The following CDH22 variants were observed in gnomAD, a reference collection of about 807,000 sequenced individuals.
CDH22 encodes the protein cadherin 22, also known as cadherin-22.
Under a neutral mutation model 58.4 loss-of-function variants are expected in CDH22, and 30 were observed. The observed-to-expected ratio is 0.51, with a 90% CI of 0.38 to 0.70. The LOEUF (loss-of-function observed/expected upper bound fraction) is 0.70, where lower values mean the gene tolerates loss of function less well. CDH22 is among the 30% of genes least tolerant of loss of function. The pLI is 0.00. For synonymous variants in CDH22, 513 were observed against 558.2 expected, an observed-to-expected ratio of 0.92 and a Z score of 1.14; for missense variants, 1,014 against 1,233.9, an observed-to-expected ratio of 0.82 and a Z score of 2.67.
intron 1 of CDH22, among the ~76,000 whole-genome samples, chr20:46,293,584 A>G (rs2086615062): frequency 6.6e-6 from 1 of 152,140 alleles, no homozygotes; most frequent in Non-Finnish European, 1.5e-5. Context: ...CATGTCCCCA[A>G]ATTGTCCACA....
intron 1 of CDH22, among the ~76,000 whole-genome samples, chr20:46,255,941 G>A (rs1478890148): frequency 6.6e-6 from 1 of 152,030 alleles, no homozygotes; most frequent in African/African-American, 2.4e-5. Context: ...ATCCCAAATG[G>A]GATTAAAAAC....
At chr20:46,191,147 G>A (rs1007606141) in intron 8 of CDH22, among the ~76,000 whole-genome samples, 2 of 152,146 alleles carry the variant, frequency 1.3e-5, no homozygotes, top group Non-Finnish European at 2.9e-5. Flanking sequence ...AGCTGTGAGA[G>A]CTTGGAGCAG....
chr20:46,253,659 A>G (rs946033560), intron 1 of CDH22, among the ~76,000 whole-genome samples: 2 of 152,106 alleles, frequency 1.3e-5, no homozygotes, highest in African/African-American at 4.8e-5. Flanking sequence ...TCGTAATGAG[A>G]CTGGAGTTAT....
intron 1 of CDH22, among the ~76,000 whole-genome samples, chr20:46,274,124 G>C (rs555471714): frequency 2.6e-5 from 4 of 152,166 alleles, no homozygotes; most frequent in East Asian, 1.9e-4. Flanking sequence ...ATCTCCCTTG[G>C]GGGAGAGGAC....
At chr20:46,227,237 C>A (rs905931444) in intron 4 of CDH22, among the ~76,000 whole-genome samples, 1 of 152,208 alleles carries the variant, frequency 6.6e-6, no homozygotes, top group African/African-American at 2.4e-5. Context: ...GCACCCACAG[C>A]GGCTGCTTCC....
rs147239577 is a variant in CDH22 at position 46,177,985 on chromosome 20, C to T, written c.1876G>A (p.Ala626Thr). ...FVMAASLSPG[A>T]LIALLVCVLI... Reference sequence around the variant, plus strand: ...ACGCAGACCAAGAGGGCGATGAGGGCGCCGGGGCTGAGGGAGGCGGCCATG... The same window carrying T: ...ACGCAGACCAAGAGGGCGATGAGGGTGCCGGGGCTGAGGGAGGCGGCCATG... The change falls in exon 11 of 12, where the codon GCC becomes ACC. Residue 626 changes from alanine (A) to threonine (T), a missense_variant. Physicochemically the swap from Ala to Thr is moderately conservative, Grantham distance 58. Coordinates refer to ENST00000537909, the MANE Select transcript of CDH22 (RefSeq NM_021248.3). 7.2e-5 allele frequency: 117 copies of T among 1,613,964 alleles called. No individual in the cohort carries two copies. Among genetic ancestry groups the T allele is most frequent in the Middle Eastern group, 1.7e-4 (1 of 6,060 alleles).
At chr20:46,202,308 C>T (rs2085967105) in intron 7 of CDH22, among the ~76,000 whole-genome samples, 1 of 151,726 alleles carries the variant, frequency 6.6e-6, no homozygotes, top group Non-Finnish European at 1.5e-5. Flanking sequence ...GACTCTGTCA[C>T]AGAACTGAAA....
intron 4 of CDH22, chr20:46,220,869 AG>A (rs2086119196): frequency 1.3e-5 from 2 of 152,560 alleles, no homozygotes; most frequent in Non-Finnish European, 2.9e-5. Flanking sequence ...GGAACAGGGT[AG>A]GTTGCTATGG....
rs1393122002 is a variant in CDH22 at position 46,210,292 on chromosome 20, G to T, written c.1286+15C>A. The stretch of plus-strand genomic sequence containing the variant: ...ATAGCAGGCAGCAGGCGTCGGCCCC[G>T]GGCGGGGGTCTCACCGGACGGGCCG... On this transcript the variant is annotated intron_variant, in intron 7 of 11. Transcript: ENST00000537909. The surrounding 1 kb of genome is among the most constrained non-coding windows in gnomAD (Gnocchi z 4.5). The T allele has an allele frequency of 2.2e-6, 3 of 1,395,278 alleles. No homozygotes were observed. Among genetic ancestry groups the T allele is most frequent in the Non-Finnish European group, 2.8e-6 (3 of 1,081,030 alleles). The allele number at this position is 1,395,278 out of a possible 1,614,324, so 86.4% of individuals were successfully genotyped here.
rs531087453 is a variant in CDH22, at chr20:46,193,362, C to T, written c.1423+6061G>A. 7.9e-5 allele frequency among the ~76,000 whole-genome samples: 12 copies of T among 152,158 alleles called. No homozygotes were observed. The East Asian group carries it at 1.4e-3, about 17-fold the overall frequency. ...GCAGAGCTGTGACATGTCTCTTTCCCGGGCAGCCTCCCTGGAGCTCCCAAC... is the reference window on the plus strand; with the variant it reads ...GCAGAGCTGTGACATGTCTCTTTCCTGGGCAGCCTCCCTGGAGCTCCCAAC... On this transcript the variant is annotated intron_variant, in intron 8 of 11. Transcript: ENST00000537909.
intron 7 of CDH22, among the ~76,000 whole-genome samples, chr20:46,201,239 C>T (rs902702111): frequency 1.4e-4 from 22 of 152,240 alleles, no homozygotes; most frequent in African/African-American, 5.3e-4. Context: ...TAAGGAGGGG[C>T]CCCTGCGCAG....
At chr20:46,303,762 C>T (rs892481376) in intron 1 of CDH22, among the ~76,000 whole-genome samples, 2 of 151,972 alleles carry the variant, frequency 1.3e-5, no homozygotes, top group South Asian at 2.1e-4. Context: ...AGGATGCAGA[C>T]GGATTACAAG....
intron 1 of CDH22, among the ~76,000 whole-genome samples, chr20:46,290,173 G>A (rs181393559): frequency 1.3e-5 from 2 of 152,288 alleles, no homozygotes; most frequent in Non-Finnish European, 2.9e-5. Context: ...CAACTTGAGG[G>A]GCTCAACTTG....
chr20:46,286,410 G>T (rs963269168), intron 1 of CDH22, among the ~76,000 whole-genome samples: 2 of 152,146 alleles, frequency 1.3e-5, no homozygotes, highest in Non-Finnish European at 2.9e-5. Flanking sequence ...GCTTTAAAAA[G>T]TGCGGACCGA....
chr20:46,296,015 G>A (rs141986374), intron 1 of CDH22, among the ~76,000 whole-genome samples: 1,556 of 152,178 alleles, frequency 0.01, 15 homozygotes, highest in Admixed American at 0.02. Flanking sequence ...CTCCTGCCTC[G>A]GCCTCTCAAA....
intron 2 of CDH22, among the ~76,000 whole-genome samples, chr20:46,243,266 G>A (rs2086305030): frequency 6.6e-6 from 1 of 152,206 alleles, no homozygotes; most frequent in Non-Finnish European, 1.5e-5. Context: ...GTGTCTGAAA[G>A]GTGGATTATA....
At chr20:46,194,049 C>T (rs1009556814) in intron 8 of CDH22, among the ~76,000 whole-genome samples, 16 of 152,288 alleles carry the variant, frequency 1.1e-4, no homozygotes, top group Admixed American at 7.8e-4. Flanking sequence ...TAGATGTCCC[C>T]TCCTCTGGGA....
At chr20:46,182,158 G>A (rs1278267739) in intron 10 of CDH22, among the ~76,000 whole-genome samples, 1 of 152,154 alleles carries the variant, frequency 6.6e-6, no homozygotes, top group Non-Finnish European at 1.5e-5. Context: ...GGAGGCCATT[G>A]ATTGGTGGGC....
intron 11 of CDH22, among the ~76,000 whole-genome samples, chr20:46,176,867 A>G (rs2085743669): frequency 6.6e-6 from 1 of 152,254 alleles, no homozygotes; most frequent in South Asian, 2.1e-4. Flanking sequence ...CAGATGTGCC[A>G]GGCCTGATCA....
Sources: allele counts gnomAD v4.1 joint callset (sites outside exome capture counted in the v4.1 genomes callset), GRCh38; gene constraint gnomAD v4.1.1; non-coding constraint Gnocchi (gnomAD v3.1); transcripts MANE v1.5; gene names NCBI Gene and HGNC (gene_info 2026-07-23, HGNC 2026-07-21).